Variants in RAB2A observed in about 807,000 individuals in gnomAD.
RAB2A encodes ras-related protein Rab-2A.
RAB2A carries 7 observed loss-of-function variants against 32.5 expected under a neutral mutation model. The observed-to-expected ratio is 0.22, with a 90% CI of 0.12 to 0.40. RAB2A has a LOEUF of 0.40. Among genes scored for constraint, RAB2A ranks in the 10% least tolerant of loss-of-function variants. The pLI, the probability that RAB2A is intolerant of heterozygous loss-of-function variation, is 1.00. For synonymous variants in RAB2A, 79 were observed against 85.2 expected, an observed-to-expected ratio of 0.93 and a Z score of 0.40; for missense variants, 108 against 260.7, an observed-to-expected ratio of 0.41 and a Z score of 4.03.
At chr8:60,600,150 A>G (rs1424874419) in intron 6 of RAB2A, among the ~76,000 whole-genome samples, 1 of 152,162 alleles carries the variant, frequency 6.6e-6, no homozygotes, top group Non-Finnish European at 1.5e-5. Flanking sequence ...ACAAATGGCA[A>G]ATAAGCACTA....
intron 1 of RAB2A, among the ~76,000 whole-genome samples, chr8:60,537,242 A>G (rs539943173): frequency 3.9e-5 from 6 of 152,244 alleles, no homozygotes; most frequent in African/African-American, 9.6e-5. Context: ...TTTTTTGGAA[A>G]CAGAGTTTTG....
At chr8:60,532,458 G>A (rs919658615) in intron 1 of RAB2A, among the ~76,000 whole-genome samples, 10 of 152,164 alleles carry the variant, frequency 6.6e-5, no homozygotes, top group Admixed American at 3.9e-4. Flanking sequence ...TGTTATACTT[G>A]CTCAGGATAA....
chr8:60,523,748 T>G (rs1191295881), intron 1 of RAB2A, among the ~76,000 whole-genome samples: 1 of 150,826 alleles, frequency 6.6e-6, no homozygotes, highest in Non-Finnish European at 1.5e-5. Context: ...TAGAGTGCAG[T>G]GGCGCGATCT....
chr8:60,541,645 CA>C (rs1480930827), intron 1 of RAB2A, among the ~76,000 whole-genome samples: 3 of 152,208 alleles, frequency 2.0e-5, no homozygotes, highest in Middle Eastern at 3.2e-3. Context: ...GCTAAGATCA[CA>C]CTATTGCACT....
intron 1 of RAB2A, among the ~76,000 whole-genome samples, chr8:60,555,038 G>A (rs1005237602): frequency 5.3e-5 from 8 of 152,210 alleles, no homozygotes; most frequent in African/African-American, 1.7e-4. Flanking sequence ...ATTGTAGCCT[G>A]ACAAAGCCAG....
intron 1 of RAB2A, among the ~76,000 whole-genome samples, chr8:60,543,014 A>G (rs187803230): frequency 5.3e-5 from 8 of 152,144 alleles, no homozygotes; most frequent in Non-Finnish European, 1.2e-4. Context: ...CTGTATTCCC[A>G]ATTTTCTTTT....
intron 6 of RAB2A, among the ~76,000 whole-genome samples, chr8:60,599,433 T>C (rs1804092830): frequency 6.6e-6 from 1 of 152,158 alleles, no homozygotes; most frequent in Non-Finnish European, 1.5e-5. Context: ...ATAGACAATA[T>C]TATTATAAAA....
At chr8:60,520,284 A>C (rs1044472464) in intron 1 of RAB2A, among the ~76,000 whole-genome samples, 29 of 152,226 alleles carry the variant, frequency 1.9e-4, no homozygotes, top group African/African-American at 7.0e-4. Flanking sequence ...ATGCAGTTAA[A>C]ATGTAGCTTT....
At chr8:60,569,350 T>C (rs1439777950) in intron 2 of RAB2A, among the ~76,000 whole-genome samples, 1 of 152,218 alleles carries the variant, frequency 6.6e-6, no homozygotes, top group African/African-American at 2.4e-5. Flanking sequence ...GGTTGATAAG[T>C]GAAGTTAAGA....
chr8:60,580,220 C>T (rs935474750), intron 3 of RAB2A, among the ~76,000 whole-genome samples: 24 of 151,878 alleles, frequency 1.6e-4, no homozygotes, highest in Non-Finnish European at 2.6e-4. Flanking sequence ...TGGTCTCAAA[C>T]GCCTGACCTC....
intron 3 of RAB2A, among the ~76,000 whole-genome samples, chr8:60,582,749 A>C (rs994891361): frequency 1.3e-5 from 2 of 152,144 alleles, no homozygotes; most frequent in African/African-American, 4.8e-5. Flanking sequence ...TTTATGCAGG[A>C]AGTTGCAAAT....
At chr8:60,544,279 A>G (rs946900086) in intron 1 of RAB2A, among the ~76,000 whole-genome samples, 1 of 151,508 alleles carries the variant, frequency 6.6e-6, no homozygotes, top group African/African-American at 2.4e-5. Context: ...ACCTCAAGTG[A>G]TCTGCCCACC....
intron 6 of RAB2A, among the ~76,000 whole-genome samples, chr8:60,610,623 C>T (rs904690697): frequency 6.6e-6 from 1 of 152,200 alleles, no homozygotes; most frequent in African/African-American, 2.4e-5. Flanking sequence ...ATTTACCACT[C>T]TCCTCCACAT....
chr8:60,517,342 G>A, intron 1 of RAB2A, 89 bp downstream of exon 1: 4 of 1,221,114 alleles, frequency 3.3e-6, no homozygotes, highest in Non-Finnish European at 4.3e-6. Flanking sequence ...GCGGGGACGC[G>A]GACTCCACCC....
At chr8:60,519,881 C>G (rs1807275835) in intron 1 of RAB2A, among the ~76,000 whole-genome samples, 1 of 152,128 alleles carries the variant, frequency 6.6e-6, no homozygotes, top group Non-Finnish European at 1.5e-5. Context: ...TTCTTGCTTA[C>G]TAATTTGGGC....
chr8:60,572,389 A>G (rs150649577), intron 3 of RAB2A, among the ~76,000 whole-genome samples: 5 of 152,288 alleles, frequency 3.3e-5, no homozygotes, highest in African/African-American at 1.2e-4. Context: ...TATTTTTAAG[A>G]AAAACAATCA....
At chr8:60,525,552 C>T (rs1177858526) in intron 1 of RAB2A, among the ~76,000 whole-genome samples, 5 of 152,114 alleles carry the variant, frequency 3.3e-5, no homozygotes, top group Non-Finnish European at 7.4e-5. Context: ...GCTCCATTCC[C>T]CTTTGCTCTT....
intron 3 of RAB2A, 24 bp from the exon 4 acceptor site, chr8:60,584,184 C>G (rs775603615): frequency 5.8e-6 from 9 of 1,545,882 alleles, no homozygotes; most frequent in South Asian, 5.6e-5. Flanking sequence ...AAAGGAAACT[C>G]TCCAACCTTT....
In RAB2A at chr8:60,549,908, C is replaced by T. The variant is rs899701893; in HGVS notation, c.47-8944C>T. ...AAAAAAAAAAAGTTTTGGAATTTGC[C>T]AGCCTTTACTCAAAAGCCATTTTTG... On this transcript the variant is annotated intron_variant, in intron 1 of 7. Coordinates refer to ENST00000262646, the MANE Select transcript of RAB2A (RefSeq NM_002865.3). 5.3e-5 allele frequency among the ~76,000 whole-genome samples: 8 copies of T among 151,350 alleles called. No homozygotes were observed. In the East Asian group the frequency reaches 1.5e-3, roughly 29 times the overall value.
Sources: allele counts gnomAD v4.1 joint callset (sites outside exome capture counted in the v4.1 genomes callset), GRCh38; gene constraint gnomAD v4.1.1; transcripts MANE v1.5; gene names NCBI Gene and HGNC (gene_info 2026-07-23, HGNC 2026-07-21).